CBL: variants seen among roughly 807,000 people sequenced by gnomAD.
CBL encodes the protein Cbl proto-oncogene, also known as E3 ubiquitin-protein ligase CBL.
CBL carries 45 observed loss-of-function variants against 96.9 expected under a neutral mutation model. The observed-to-expected ratio is 0.46, with a 90% CI of 0.37 to 0.60. The LOEUF is 0.60. Among genes scored for constraint, CBL ranks in the 20% least tolerant of loss-of-function variants. The pLI is 0.00. For synonymous variants in CBL, 420 were observed against 426.8 expected, an observed-to-expected ratio of 0.98 and a Z score of 0.20; for missense variants, 1,024 against 1,143.5, an observed-to-expected ratio of 0.90 and a Z score of 1.51.
chr11:119,297,468 G>GAGC lies in CBL; in HGVS notation c.2243_2245dup (p.Ser748dup). ...AGTCCCAGGCGCCATCTATCACCGA[G>GAGC]AGCAGCACCTTTGGTAAGTTGCCAT... On this transcript the variant is annotated inframe_insertion, in exon 14 of 16. Transcript: ENST00000264033. 3 of 1,611,292 alleles carry GAGC rather than the reference G, an allele frequency of 1.9e-6. No homozygotes were observed. Among genetic ancestry groups the GAGC allele is most frequent in the Non-Finnish European group, 2.5e-6 (3 of 1,177,994 alleles).
At chr11:119,274,977 T>C in intron 5 of CBL, 24 bp downstream of exon 5, 1 of 1,604,574 alleles carries the variant, frequency 6.2e-7, no homozygotes, top group South Asian at 1.1e-5. Flanking sequence ...CGCAAAGAGA[T>C]TTATTCTTCT....
chr11:119,280,141 C>T (rs1442175786), intron 9 of CBL, among the ~76,000 whole-genome samples: 1 of 152,154 alleles, frequency 6.6e-6, no homozygotes, highest in Non-Finnish European at 1.5e-5. Context: ...TTTTGTCTTC[C>T]TTTTAATGAA....
intron 3 of CBL, among the ~76,000 whole-genome samples, 177 bp from the exon 4 acceptor site, chr11:119,273,691 C>T (rs1027446133): frequency 6.6e-6 from 1 of 152,178 alleles, no homozygotes; most frequent in Admixed American, 6.5e-5. Context: ...AGGCATGCAC[C>T]ATGGCTCCTG....
At chr11:119,225,431 T>C (rs1444859573) in intron 1 of CBL, among the ~76,000 whole-genome samples, 1 of 152,048 alleles carries the variant, frequency 6.6e-6, no homozygotes, top group East Asian at 1.9e-4. Flanking sequence ...CAGGGTCTCA[T>C]TCTGTCCTAC....
chr11:119,304,363 A>C lies in CBL; in HGVS notation c.*4582A>C. On this transcript the variant is annotated 3_prime_UTR_variant, in exon 16 of 16. Transcript: ENST00000264033. ...TTTTGACTGCTTAGGGATTCTTTGG[A>C]TCCAAGAAACAGAAATGTTCAAGCG... The C allele has an allele frequency of 4.3e-6, 1 of 233,236 alleles. No homozygotes were observed. Among genetic ancestry groups the C allele is most frequent in the Non-Finnish European group, 8.5e-6 (1 of 118,068 alleles). 14.4% of individuals were successfully genotyped at this position (233,236 alleles called of 1,614,324 possible).
chr11:119,240,669 G>T (rs867215635), intron 2 of CBL, among the ~76,000 whole-genome samples: 10 of 152,184 alleles, frequency 6.6e-5, no homozygotes, highest in Non-Finnish European at 1.2e-4. Flanking sequence ...TAGACTAATC[G>T]ACTGTGGCTT....
intron 2 of CBL, among the ~76,000 whole-genome samples, chr11:119,237,856 G>T (rs971732114): frequency 1.3e-5 from 2 of 152,012 alleles, no homozygotes; most frequent in Non-Finnish European, 2.9e-5. Context: ...TGTTTTGGCT[G>T]CTATTCTGGA....
At chr11:119,279,895 A>G (rs1949920479) in intron 9 of CBL, among the ~76,000 whole-genome samples, 1 of 152,254 alleles carries the variant, frequency 6.6e-6, no homozygotes, top group African/African-American at 2.4e-5. Context: ...TAAGAAGTCT[A>G]AGACAAGGCT....
chr11:119,244,814 A>T (rs900277641), intron 2 of CBL, among the ~76,000 whole-genome samples: 11 of 151,704 alleles, frequency 7.3e-5, no homozygotes, highest in Non-Finnish European at 1.6e-4. Context: ...ACCTTACCAT[A>T]GTGCTGGGAT....
intron 1 of CBL, among the ~76,000 whole-genome samples, chr11:119,231,445 A>G (rs1486953505): frequency 6.8e-6 from 1 of 147,770 alleles, no homozygotes; most frequent in Non-Finnish European, 1.5e-5. Context: ...TAATCCCAGC[A>G]AAGTGCTGTA....
chr11:119,232,050 C>T (rs765068544), intron 1 of CBL, among the ~76,000 whole-genome samples: 5 of 152,006 alleles, frequency 3.3e-5, no homozygotes, highest in Non-Finnish European at 5.9e-5. Flanking sequence ...TGCACTGAGT[C>T]GTGGTTGCTC....
In CBL at chr11:119,285,206, T is replaced by C. The variant is rs1431687199; in HGVS notation, c.1581T>C (p.Leu527=). ...GTASKAASGS[L]HKDKPLPVPP... ...TTCCACAGGCTGCTTCTGGCTCCCT[T>C]CATAAAGACAAACCATTGCCAGTAC... is the stretch of plus-strand genomic sequence containing the variant. The change falls in exon 11 of 16, where the codon CTT becomes CTC. Residue 527 remains leucine (L), a synonymous_variant. Coordinates refer to ENST00000264033, the MANE Select transcript of CBL (RefSeq NM_005188.4). The C allele has an allele frequency of 1.9e-6, 3 of 1,614,168 alleles. No individual in the cohort carries two copies. The highest frequency in any genetic ancestry group is 2.2e-5 in the East Asian group (1 of 44,886).
At chr11:119,291,174 A>G (rs966345244) in intron 12 of CBL, among the ~76,000 whole-genome samples, 3 of 152,174 alleles carry the variant, frequency 2.0e-5, no homozygotes, top group Admixed American at 6.5e-5. Flanking sequence ...AGGCAGGAGG[A>G]TCACTTGAGT....
At chr11:119,206,931 G>C (rs1949274538) in intron 1 of CBL, among the ~76,000 whole-genome samples, 1 of 152,110 alleles carries the variant, frequency 6.6e-6, no homozygotes, top group African/African-American at 2.4e-5. Flanking sequence ...TGAGGGGTGC[G>C]GAGTTTGGGG....
intron 2 of CBL, among the ~76,000 whole-genome samples, chr11:119,252,039 A>G (rs1348183025): frequency 1.3e-5 from 2 of 152,062 alleles, no homozygotes; most frequent in African/African-American, 4.8e-5. Context: ...CAATCCTGGC[A>G]GCTTAGTTTT....
intron 1 of CBL, among the ~76,000 whole-genome samples, chr11:119,210,938 T>C (rs1293017404): frequency 6.6e-6 from 1 of 152,160 alleles, no homozygotes; most frequent in Non-Finnish European, 1.5e-5. Context: ...ACATATACTA[T>C]GTTTTTCCTA....
intron 9 of CBL, among the ~76,000 whole-genome samples, chr11:119,282,966 G>A (rs1192455785): frequency 1.3e-5 from 2 of 151,644 alleles, no homozygotes; most frequent in Admixed American, 6.6e-5. Flanking sequence ...ATGTGGTGGC[G>A]CACAGCTTGT....
At chr11:119,214,614 TGTC>T (rs1327960246) in intron 1 of CBL, among the ~76,000 whole-genome samples, 1 of 152,220 alleles carries the variant, frequency 6.6e-6, no homozygotes, top group Non-Finnish European at 1.5e-5. Flanking sequence ...AAATATCTGT[TGTC>T]TACTTAAAGG....
At chr11:119,273,847 T>G in intron 3 of CBL, 21 bp from the exon 4 acceptor site, 2 of 1,611,086 alleles carry the variant, frequency 1.2e-6, no homozygotes, top group Non-Finnish European at 1.7e-6. Flanking sequence ...ACTTTATGCC[T>G]CCTCTCCACC....
Sources: allele counts gnomAD v4.1 joint callset (sites outside exome capture counted in the v4.1 genomes callset), GRCh38; gene constraint gnomAD v4.1.1; transcripts MANE v1.5; gene names NCBI Gene and HGNC (gene_info 2026-07-23, HGNC 2026-07-21).